The following BTBD9 variants were observed in gnomAD, a reference collection of about 807,000 sequenced individuals.
BTBD9 encodes BTB domain containing 9, also known as BTB/POZ domain-containing protein 9.
A neutral mutation model predicts 64.3 loss-of-function variants in BTBD9; 49 were observed. The observed-to-expected ratio is 0.76, with a 90% confidence interval of 0.61 to 0.97. The LOEUF is 0.97. BTBD9 is among the 50% of genes least tolerant of loss of function. BTBD9 has a pLI of 0.00. For synonymous variants in BTBD9, 260 were observed against 274.7 expected (o/e 0.95, Z 0.53); for missense variants, 598 against 762.1 (o/e 0.78, Z 2.53).
intron 10 of BTBD9, among the ~76,000 whole-genome samples, chr6:38,185,458 A>T (rs1761775084): frequency 6.6e-6 from 1 of 152,140 alleles, no homozygotes; most frequent in African/African-American, 2.4e-5. Context: ...GCCGTCTATT[A>T]TGCCTTTGTG....
At chr6:38,354,418 A>C (rs1199412091) in intron 6 of BTBD9, among the ~76,000 whole-genome samples, 1 of 152,152 alleles carries the variant, frequency 6.6e-6, no homozygotes, top group Non-Finnish European at 1.5e-5. Context: ...GAATATATCT[A>C]ATGTATACAG....
Position 38,171,849 on chromosome 6 carries a change from A to C in BTBD9, c.*3136T>G, listed in dbSNP as rs1222899251. On this transcript the variant is annotated 3_prime_UTR_variant, in exon 11 of 11. Coordinates refer to ENST00000481247, the MANE Select transcript of BTBD9 (RefSeq NM_001099272.2). Reference sequence around the variant, plus strand: ...AATGAAGTTGCCTTTCTACTCTCAAAAAAAAAAAAAAAAAAAAAAAAAAAA... The same window carrying C: ...AATGAAGTTGCCTTTCTACTCTCAACAAAAAAAAAAAAAAAAAAAAAAAAA... 154 of 9,834 alleles carry C rather than the reference A, an allele frequency of 0.016. No individual in the cohort carries two copies. The highest frequency in any genetic ancestry group is 0.059 in the Middle Eastern group (2 of 34). The allele number at this position is 9,834 out of a possible 1,614,324, so 0.6% of individuals were successfully genotyped here.
Position 38,249,367 on chromosome 6 carries a change from G to A in BTBD9, c.1562+7042C>T, listed in dbSNP as rs543659515. Reference sequence around the variant, plus strand: ...ACTCCTGGCTTCAGCAATCCTCCCCGCTCAGCGTCCTAAGTAGCTGGAACT... The same window carrying A: ...ACTCCTGGCTTCAGCAATCCTCCCCACTCAGCGTCCTAAGTAGCTGGAACT... On this transcript the variant is annotated intron_variant, in intron 9 of 10. Transcript: ENST00000481247. 5.9e-5 allele frequency among the ~76,000 whole-genome samples: 9 copies of A among 152,052 alleles called. 1 individual carries two copies. The highest frequency in any genetic ancestry group is 1.4e-4 in the African/African-American group (6 of 41,476).
chr6:38,178,416 G>A (rs1172452828), intron 10 of BTBD9, among the ~76,000 whole-genome samples: 2 of 152,150 alleles, frequency 1.3e-5, no homozygotes, highest in African/African-American at 4.8e-5. Context: ...AGGTACACAC[G>A]TACCACAAGC....
chr6:38,592,017 T>G (rs1414247029), intron 4 of BTBD9, among the ~76,000 whole-genome samples: 1 of 151,988 alleles, frequency 6.6e-6, no homozygotes, highest in Admixed American at 6.6e-5. Context: ...AAACCCCGTC[T>G]CTACTAAAAA....
intron 9 of BTBD9, among the ~76,000 whole-genome samples, chr6:38,215,582 G>C (rs1275168407): frequency 3.9e-5 from 6 of 152,182 alleles, no homozygotes; most frequent in Non-Finnish European, 2.9e-5. Context: ...ATCACAGCTG[G>C]CAAGTTATTT....
chr6:38,487,491 G>A (rs1771500679), intron 6 of BTBD9, among the ~76,000 whole-genome samples: 1 of 152,034 alleles, frequency 6.6e-6, no homozygotes, highest in African/African-American at 2.4e-5. Context: ...TGAGGTGGGA[G>A]GATCACCTGA....
chr6:38,323,527 T>C (rs1763313377), intron 7 of BTBD9, among the ~76,000 whole-genome samples: 1 of 152,180 alleles, frequency 6.6e-6, no homozygotes, highest in Non-Finnish European at 1.5e-5. Flanking sequence ...TTCTATTAGA[T>C]ACAACTTATA....
At chr6:38,501,948 A>G (rs925931356) in intron 6 of BTBD9, among the ~76,000 whole-genome samples, 2 of 152,204 alleles carry the variant, frequency 1.3e-5, no homozygotes, top group African/African-American at 4.8e-5. Flanking sequence ...CTGCATAAAC[A>G]AAAGCTCTTT....
intron 8 of BTBD9, among the ~76,000 whole-genome samples, chr6:38,265,242 C>T (rs985845869): frequency 6.6e-6 from 1 of 151,898 alleles, no homozygotes; most frequent in African/African-American, 2.4e-5. Context: ...CATTTTGGCT[C>T]CACTGTGTAG....
chr6:38,238,117 C>G (rs1763847757), intron 9 of BTBD9, among the ~76,000 whole-genome samples: 1 of 152,190 alleles, frequency 6.6e-6, no homozygotes, highest in African/African-American at 2.4e-5. Flanking sequence ...TCTTAAAAAA[C>G]AAAACAAAAT....
chr6:38,602,380 T>C (rs1460469068), intron 1 of BTBD9, among the ~76,000 whole-genome samples: 3 of 152,056 alleles, frequency 2.0e-5, no homozygotes, highest in Admixed American at 2.0e-4. Flanking sequence ...TGAAATATTA[T>C]AAATTATTTA....
intron 4 of BTBD9, chr6:38,588,064 G>A (rs1234770493): frequency 2.8e-6 from 2 of 725,908 alleles, no homozygotes; most frequent in African/African-American, 1.7e-5. Flanking sequence ...AAAGTCAGCT[G>A]TATCAATAGT....
At chr6:38,477,746 G>C (rs573825188) in intron 6 of BTBD9, among the ~76,000 whole-genome samples, 6 of 152,286 alleles carry the variant, frequency 3.9e-5, no homozygotes, top group African/African-American at 1.4e-4. Flanking sequence ...ATACGAACTG[G>C]GGGTATTTGA....
intron 10 of BTBD9, among the ~76,000 whole-genome samples, chr6:38,180,537 G>A (rs957958688): frequency 7.2e-6 from 1 of 139,404 alleles, no homozygotes; most frequent in African/African-American, 2.7e-5. Context: ...TTCCCTCTAG[G>A]TGGAACAGCC....
At chr6:38,294,062 GA>G (rs1762070553) in intron 7 of BTBD9, among the ~76,000 whole-genome samples, 1 of 152,068 alleles carries the variant, frequency 6.6e-6, no homozygotes. Flanking sequence ...ACAAACGTAT[GA>G]AAAAAAGCTC....
chr6:38,411,334 T>C (rs1405532270), intron 6 of BTBD9, among the ~76,000 whole-genome samples: 2 of 152,176 alleles, frequency 1.3e-5, no homozygotes, highest in African/African-American at 2.4e-5. Flanking sequence ...TAATGTAGTA[T>C]TGGCACATGA....
chr6:38,304,367 GA>G (rs1762542372), intron 7 of BTBD9, among the ~76,000 whole-genome samples: 1 of 151,974 alleles, frequency 6.6e-6, no homozygotes, highest in African/African-American at 2.4e-5. Context: ...CCAACATAGT[GA>G]AACCCCGTTT....
chr6:38,483,342 C>A (rs904311655), intron 6 of BTBD9, among the ~76,000 whole-genome samples: 4 of 152,074 alleles, frequency 2.6e-5, no homozygotes, highest in Non-Finnish European at 2.9e-5. Context: ...TACCGAAAGA[C>A]TGACTTTTTA....
Sources: allele counts gnomAD v4.1 joint callset (sites outside exome capture counted in the v4.1 genomes callset), GRCh38; gene constraint gnomAD v4.1.1; transcripts MANE v1.5; gene names NCBI Gene and HGNC (gene_info 2026-07-23, HGNC 2026-07-21).